Variants in CDH4 observed in about 807,000 individuals in gnomAD.
CDH4 encodes cadherin-4.
A neutral mutation model predicts 86.0 loss-of-function variants in CDH4; 33 were observed. The ratio of observed to expected loss-of-function variants is 0.38; its 90% CI spans 0.29 to 0.51. The LOEUF is 0.51. Among genes scored for constraint, CDH4 ranks in the 20% least tolerant of loss-of-function variants. CDH4 has a pLI of 0.86. For synonymous variants in CDH4, 555 were observed against 549.4 expected, an observed-to-expected ratio of 1.01 and a Z score of -0.14; for missense variants, 1,114 against 1,307.4, an observed-to-expected ratio of 0.85 and a Z score of 2.28.
At chr20:61,907,026 T>G (rs1249036077) in intron 8 of CDH4, among the ~76,000 whole-genome samples, 1 of 152,064 alleles carries the variant, frequency 6.6e-6, no homozygotes, top group Non-Finnish European at 1.5e-5. Context: ...CCCTCCTCCC[T>G]GCTCCAGGTC....
intron 4 of CDH4, among the ~76,000 whole-genome samples, chr20:61,818,007 C>A (rs1463422955): frequency 1.3e-5 from 2 of 152,130 alleles, no homozygotes; most frequent in African/African-American, 4.8e-5. Flanking sequence ...TGCCCTGTCA[C>A]CTGCACTTTC....
intron 15 of CDH4, among the ~76,000 whole-genome samples, chr20:61,935,484 G>A (rs532796330): frequency 1.3e-4 from 19 of 151,978 alleles, no homozygotes; most frequent in African/African-American, 4.4e-4. Flanking sequence ...TTAGCCAGGC[G>A]CGGTGGCTCA....
intron 7 of CDH4, among the ~76,000 whole-genome samples, chr20:61,892,539 T>A (rs1052122827): frequency 7.9e-5 from 12 of 152,008 alleles, no homozygotes; most frequent in Non-Finnish European, 1.3e-4. Context: ...TGGGAGAGAA[T>A]TCCATGGGAA....
chr20:61,738,789 C>G (rs954725941), intron 2 of CDH4: 1 of 152,266 alleles, frequency 6.6e-6, no homozygotes, highest in Non-Finnish European at 1.5e-5. Flanking sequence ...GGGCAGCAAA[C>G]CCCGCTCCTC....
chr20:61,560,381 A>G (rs1600758903), intron 2 of CDH4, among the ~76,000 whole-genome samples: 1 of 152,238 alleles, frequency 6.6e-6, no homozygotes, highest in East Asian at 1.9e-4. Context: ...TCTTCTGGGC[A>G]TGTGACTCGC....
chr20:61,401,951 T>C (rs1330371257), intron 2 of CDH4, among the ~76,000 whole-genome samples: 5 of 152,358 alleles, frequency 3.3e-5, no homozygotes, highest in African/African-American at 9.6e-5. Context: ...CATTTAATGA[T>C]GGACTTCTAT....
chr20:61,704,426 C>A (rs2087808607), intron 2 of CDH4, among the ~76,000 whole-genome samples: 1 of 152,180 alleles, frequency 6.6e-6, no homozygotes, highest in African/African-American at 2.4e-5. Context: ...AAGCTGGAAC[C>A]TGCTCTGGGT....
In CDH4 at chr20:61,903,716, GC is replaced by G. The variant is rs1216599277; in HGVS notation, c.1189-6701del. Reference sequence around the variant, plus strand: ...AAGCAGGGTATGGGGCCGAGAGGCAGCCCCCAGGGGGCCAGTGCAGCCTCAG... The same window carrying G: ...AAGCAGGGTATGGGGCCGAGAGGCAGCCCCAGGGGGCCAGTGCAGCCTCAG... On this transcript the variant is annotated intron_variant, in intron 8 of 15. Coordinates refer to ENST00000614565, the MANE Select transcript of CDH4 (RefSeq NM_001794.5). 8.5e-5 allele frequency among the ~76,000 whole-genome samples: 13 copies of G among 152,282 alleles called. 1 individual carries two copies. The highest frequency in any genetic ancestry group is 7.8e-4 in the Admixed American group (12 of 15,304).
At chr20:61,474,327 A>AT (rs1170158714) in intron 2 of CDH4, among the ~76,000 whole-genome samples, 12,875 of 124,300 alleles carry the variant, frequency 0.1, 761 homozygotes, top group Non-Finnish European at 0.12. Flanking sequence ...CACCCAGCTA[A>AT]TTTTTTTTTT....
At position 61,790,884 on chromosome 20, in the gene CDH4, C is replaced by T. The variant is rs1979156655; in HGVS notation, c.576+17702C>T. Among the ~76,000 whole-genome samples, 7 of 151,754 alleles carry T rather than the reference C, an allele frequency of 4.6e-5. No individual in the cohort carries two copies. In the South Asian group the frequency reaches 1.5e-3, roughly 32 times the overall value. On this transcript the variant is annotated intron_variant, in intron 4 of 15. Transcript: ENST00000614565. The stretch of plus-strand genomic sequence containing the variant: ...TCATCCATCCGTATATCCATCCTTC[C>T]ACCCACCTACCATCCATCCATTGAT...
chr20:61,392,048 G>A lies in CDH4; in HGVS notation c.169+137111G>A, dbSNP rs60631151. On this transcript the variant is annotated intron_variant, in intron 2 of 15. Transcript: ENST00000614565. The surrounding 1 kb of genome is among the most constrained non-coding windows in gnomAD (Gnocchi z 5.7). ...CTGGCTACTTCTCAACCCTTCCCCCGCCTCGCTTGCCGTGGGTTTCAGCAT... is the reference window on the plus strand; with the variant it reads ...CTGGCTACTTCTCAACCCTTCCCCCACCTCGCTTGCCGTGGGTTTCAGCAT... Among the ~76,000 whole-genome samples, 8,342 of 152,060 alleles carry A rather than the reference G, an allele frequency of 0.055. 385 individuals carry two copies. The highest frequency in any genetic ancestry group is 0.15 in the East Asian group (761 of 5,152).
At chr20:61,873,485 G>T (rs1032478544) in intron 6 of CDH4, among the ~76,000 whole-genome samples, 1 of 152,272 alleles carries the variant, frequency 6.6e-6, no homozygotes, top group Non-Finnish European at 1.5e-5. Flanking sequence ...AAAAAAGGAA[G>T]AGGTCAGAGC....
In CDH4 at chr20:61,757,052, C is replaced by T. The variant is rs535005344; in HGVS notation, c.396+13263C>T. On this transcript the variant is annotated intron_variant, in intron 3 of 15. Coordinates refer to ENST00000614565, the MANE Select transcript of CDH4 (RefSeq NM_001794.5). ...AAACTTGTAGACAACGTGTCCACCT[C>T]CTGGCTTTGTTTTGAAGATGACGAG... Among the ~76,000 whole-genome samples, 13 of 152,338 alleles carry T rather than the reference C, an allele frequency of 8.5e-5. No individual in the cohort carries two copies. The South Asian group carries it at 2.7e-3, about 32-fold the overall frequency.
chr20:61,667,866 C>T (rs1407878157), intron 2 of CDH4, among the ~76,000 whole-genome samples: 1 of 152,168 alleles, frequency 6.6e-6, no homozygotes, highest in Admixed American at 6.5e-5. Context: ...AGGAAATGCA[C>T]GTCTTAAAAG....
intron 3 of CDH4, among the ~76,000 whole-genome samples, chr20:61,757,327 C>A (rs73312906): frequency 6.6e-6 from 1 of 152,178 alleles, no homozygotes; most frequent in Non-Finnish European, 1.5e-5. Flanking sequence ...CCCAAAGGAA[C>A]GGCAGCTTGT....
At chr20:61,813,357 C>G (rs1980538092) in intron 4 of CDH4, among the ~76,000 whole-genome samples, 1 of 152,174 alleles carries the variant, frequency 6.6e-6, no homozygotes, top group African/African-American at 2.4e-5. Context: ...AAGCACTGGG[C>G]CCCTCAACCT....
chr20:61,678,608 A>G (rs886929256), intron 2 of CDH4, among the ~76,000 whole-genome samples: 5 of 152,182 alleles, frequency 3.3e-5, no homozygotes, highest in African/African-American at 7.2e-5. Context: ...GCACCTTAAA[A>G]TGACAGAAAC....
intron 2 of CDH4, among the ~76,000 whole-genome samples, chr20:61,312,950 A>G (rs1269385754): frequency 6.6e-6 from 1 of 152,058 alleles, no homozygotes; most frequent in Non-Finnish European, 1.5e-5. Flanking sequence ...CCCTCGATCC[A>G]AGCTTTCCTA....
chr20:61,782,414 A>G (rs1978594950), intron 4 of CDH4, among the ~76,000 whole-genome samples: 1 of 152,336 alleles, frequency 6.6e-6, no homozygotes, highest in South Asian at 2.1e-4. Context: ...GATGTTCCTC[A>G]GGCCAGAAAC....
Sources: gnomAD v4.1 joint callset for allele counts (sites outside exome capture counted in the v4.1 genomes callset) on GRCh38, gnomAD v4.1.1 for gene constraint, Gnocchi (gnomAD v3.1) non-coding constraint, MANE v1.5 for transcripts, NCBI Gene and HGNC (gene_info 2026-07-23, HGNC 2026-07-21) for gene names.